Variants in TSHZ3 observed in about 807,000 individuals in gnomAD.
The protein encoded by TSHZ3 is teashirt homolog 3.
A neutral mutation model predicts 64.5 loss-of-function variants in TSHZ3; 10 were observed. The ratio of observed to expected loss-of-function variants is 0.16; its 90% CI spans 0.10 to 0.26. TSHZ3 has a LOEUF of 0.26. TSHZ3 is among the 10% of genes least tolerant of loss of function. TSHZ3 has a pLI of 1.00. For synonymous variants in TSHZ3, 608 were observed against 593.1 expected, an observed-to-expected ratio of 1.03 and a Z score of -0.36; for missense variants, 1,242 against 1,421.7, an observed-to-expected ratio of 0.87 and a Z score of 2.03.
In TSHZ3 at chr19:31,181,593, C is replaced by T. The variant is rs866730920; in HGVS notation, n.809+23363G>A. On this transcript the variant is annotated intron_variant and non_coding_transcript_variant, in intron 5 of 6. Transcript: ENST00000651361. ...ACTTATGCCAGCTACCAGGAAGAGG[C>T]TCTATGCTAAGCAGAAAGCATGGGC... Among the ~76,000 whole-genome samples, 8 of 152,194 alleles carry T rather than the reference C, an allele frequency of 5.3e-5. No homozygotes were observed. In the South Asian group the frequency reaches 1.7e-3, roughly 32 times the overall value.
At chr19:31,164,561 T>C (rs1354180771) in intron 5 of TSHZ3, among the ~76,000 whole-genome samples, 1 of 152,192 alleles carries the variant, frequency 6.6e-6, no homozygotes, top group African/African-American at 2.4e-5. Flanking sequence ...AGCACTGTGC[T>C]AGGAGCCAGA....
intron 5 of TSHZ3, among the ~76,000 whole-genome samples, chr19:31,162,012 T>TA (rs1974379892): frequency 6.6e-6 from 1 of 152,308 alleles, no homozygotes; most frequent in East Asian, 1.9e-4. Context: ...CACTTTCACA[T>TA]ATGTCTAGCT....
At chr19:31,302,766 A>G (rs1976775818) in intron 1 of TSHZ3, among the ~76,000 whole-genome samples, 1 of 152,174 alleles carries the variant, frequency 6.6e-6, no homozygotes, top group Non-Finnish European at 1.5e-5. Flanking sequence ...CTCAAATTGC[A>G]CTTCCATATG....
At chr19:31,198,478 G>A (rs1216323394) in intron 5 of TSHZ3, among the ~76,000 whole-genome samples, 1 of 151,838 alleles carries the variant, frequency 6.6e-6, no homozygotes, top group Non-Finnish European at 1.5e-5. Context: ...ATAAATGATG[G>A]GAAGGAGGAA....
At chr19:31,245,445 A>G (rs768597207) in intron 1 of TSHZ3, among the ~76,000 whole-genome samples, 6 of 152,202 alleles carry the variant, frequency 3.9e-5, no homozygotes, top group Non-Finnish European at 7.3e-5. Context: ...GATGCTTACA[A>G]GGTTTCAGGT....
At chr19:31,152,069 G>A (rs575085319) in intron 6 of TSHZ3, among the ~76,000 whole-genome samples, 10 of 152,042 alleles carry the variant, frequency 6.6e-5, no homozygotes, top group African/African-American at 2.4e-4. Flanking sequence ...GAGACAAAGA[G>A]TCAATTCTCC....
At chr19:31,314,715 A>G (rs1916556428) in intron 1 of TSHZ3, among the ~76,000 whole-genome samples, 1 of 152,230 alleles carries the variant, frequency 6.6e-6, no homozygotes, top group African/African-American at 2.4e-5. Flanking sequence ...AATGGGAGAA[A>G]TTAACCGTTT....
At chr19:31,344,174 AACACAG>A (rs1435429532) in intron 1 of TSHZ3, among the ~76,000 whole-genome samples, 2 of 152,202 alleles carry the variant, frequency 1.3e-5, no homozygotes, top group Non-Finnish European at 2.9e-5. Context: ...GCATAACTAA[AACACAG>A]ACACAGACAC....
At chr19:31,344,569 C>T (rs1917527955) in intron 1 of TSHZ3, among the ~76,000 whole-genome samples, 1 of 152,194 alleles carries the variant, frequency 6.6e-6, no homozygotes. Flanking sequence ...CTTCCTAATC[C>T]TTTCCTCTCT....
At chr19:31,299,798 T>A (rs1460518289) in intron 1 of TSHZ3, among the ~76,000 whole-genome samples, 1 of 152,162 alleles carries the variant, frequency 6.6e-6, no homozygotes, top group Non-Finnish European at 1.5e-5. Context: ...GGGACCCAAG[T>A]CTCTGAGGCT....
chr19:31,260,579 A>G (rs947345073), intron 1 of TSHZ3, among the ~76,000 whole-genome samples: 2 of 152,144 alleles, frequency 1.3e-5, no homozygotes, highest in Non-Finnish European at 2.9e-5. Flanking sequence ...ACTCATTTCC[A>G]GGTAGTCTTT....
At chr19:31,293,337 G>A (rs914730682) in intron 1 of TSHZ3, among the ~76,000 whole-genome samples, 9 of 152,224 alleles carry the variant, frequency 5.9e-5, no homozygotes, top group South Asian at 2.1e-4. Flanking sequence ...TCATACATCT[G>A]CACAAATGTC....
chr19:31,288,298 C>T (rs981236488), intron 1 of TSHZ3, among the ~76,000 whole-genome samples: 1 of 152,202 alleles, frequency 6.6e-6, no homozygotes, highest in Non-Finnish European at 1.5e-5. Context: ...GAATCAACTT[C>T]AACACATGCC....
At chr19:31,257,099 T>G (rs1308106522) in intron 1 of TSHZ3, among the ~76,000 whole-genome samples, 1 of 152,144 alleles carries the variant, frequency 6.6e-6, no homozygotes, top group Non-Finnish European at 1.5e-5. Flanking sequence ...GTTTCCTCCC[T>G]GGCTTCAGGG....
At chr19:31,195,400 T>A (rs560239703) in intron 5 of TSHZ3, among the ~76,000 whole-genome samples, 2 of 152,270 alleles carry the variant, frequency 1.3e-5, no homozygotes, top group Admixed American at 6.5e-5. Context: ...TATCTCTGAC[T>A]TCTCCTCTTA....
At chr19:31,246,419 T>C (rs7256616) in intron 1 of TSHZ3, among the ~76,000 whole-genome samples, 29,150 of 152,162 alleles carry the variant, frequency 0.19, 7,994 homozygotes, top group African/African-American at 0.6. Flanking sequence ...ATAGCTGACA[T>C]AAAATAATTA....
intron 4 of TSHZ3, among the ~76,000 whole-genome samples, chr19:31,211,240 CT>C (rs756853816): frequency 9.2e-5 from 14 of 152,278 alleles, no homozygotes; most frequent in Non-Finnish European, 1.8e-4. Context: ...TGGTTTCCCC[CT>C]ATCTTTACAA....
intron 5 of TSHZ3, among the ~76,000 whole-genome samples, chr19:31,160,487 C>T (rs1288768370): frequency 2.0e-5 from 3 of 152,160 alleles, no homozygotes; most frequent in African/African-American, 7.2e-5. Context: ...TTGAGGCAGC[C>T]CTCCAAATGG....
intron 5 of TSHZ3, among the ~76,000 whole-genome samples, chr19:31,161,581 G>A (rs939110166): frequency 4.6e-5 from 7 of 152,116 alleles, no homozygotes; most frequent in South Asian, 2.1e-4. Context: ...TCCTCCATAA[G>A]AGATGTTCTC....
Sources: gnomAD v4.1 joint callset for allele counts (sites outside exome capture counted in the v4.1 genomes callset) on GRCh38, gnomAD v4.1.1 for gene constraint, MANE v1.5 for transcripts, NCBI Gene and HGNC (gene_info 2026-07-23, HGNC 2026-07-21) for gene names.